Variants in PACS1 observed in about 807,000 individuals in gnomAD.
The protein encoded by PACS1 is phosphofurin acidic cluster sorting protein 1.
PACS1 carries 24 observed loss-of-function variants against 115.0 expected under a neutral mutation model. The ratio of observed to expected loss-of-function variants is 0.21; its 90% CI spans 0.15 to 0.29. The LOEUF is 0.29. PACS1 is among the 10% of genes least tolerant of loss of function. The pLI is 1.00. For missense variants in PACS1, 838 were observed against 1,251.2 expected, an observed-to-expected ratio of 0.67 and a Z score of 4.98; for synonymous variants, 453 against 504.5, an observed-to-expected ratio of 0.90 and a Z score of 1.37.
At chr11:66,216,037 C>G (rs1855199964) in intron 4 of PACS1, 82 bp from the exon 5 acceptor site, 2 of 1,362,748 alleles carry the variant, frequency 1.5e-6, no homozygotes, top group African/African-American at 2.9e-5. Flanking sequence ...GCTGTTGCCC[C>G]TGGGGTCTTG....
intron 1 of PACS1, among the ~76,000 whole-genome samples, chr11:66,078,717 C>T (rs957079279): frequency 6.6e-6 from 1 of 152,110 alleles, no homozygotes; most frequent in Non-Finnish European, 1.5e-5. Context: ...ACATGCCCTG[C>T]TAACTTTTTA....
chr11:66,216,862 C>CTTATTTTTTTTTTTTTTTTTTTTTTT (rs1590826365), intron 7 of PACS1, 87 bp downstream of exon 7: 11 of 849,752 alleles, frequency 1.3e-5, no homozygotes, highest in Middle Eastern at 2.5e-4. Flanking sequence ...CTAGTGGAGA[C>CTTATTTTTTTTTTTTTTTTTTTTTTT]TTCTTAAAAT....
rs906920215 is a variant in PACS1 at position 66,118,325 on chromosome 11, C to T, written c.356+47483C>T. On this transcript the variant is annotated intron_variant, in intron 1 of 23. Transcript: ENST00000320580. Reference sequence around the variant, plus strand: ...TCTGTATAAAGATAAGAATTTCCAGCCAGGGGCCGGGCGCTGTGGCTCATG... The same window carrying T: ...TCTGTATAAAGATAAGAATTTCCAGTCAGGGGCCGGGCGCTGTGGCTCATG... 2.6e-5 allele frequency among the ~76,000 whole-genome samples: 4 copies of T among 152,150 alleles called. No individual in the cohort carries two copies. In the East Asian group the frequency reaches 7.7e-4, roughly 29 times the overall value.
intron 4 of PACS1, among the ~76,000 whole-genome samples, chr11:66,213,627 T>C (rs1461364303): frequency 6.6e-6 from 1 of 152,266 alleles, no homozygotes; most frequent in Non-Finnish European, 1.5e-5. Flanking sequence ...CTTTCAGGTC[T>C]AGGTCCAGAT....
intron 7 of PACS1, chr11:66,217,208 C>T (rs1254733683): frequency 7.0e-6 from 2 of 286,664 alleles, no homozygotes; most frequent in Admixed American, 4.9e-5. Context: ...TGGGGTGCTC[C>T]TATGACCCTG....
At chr11:66,238,361 C>A in intron 19 of PACS1, 1 of 984,880 alleles carries the variant, frequency 1.0e-6, no homozygotes, top group Non-Finnish European at 1.2e-6. Context: ...GCCTTCAGCC[C>A]TTTATCCCCA....
chr11:66,153,260 A>G (rs1317115776), intron 1 of PACS1, among the ~76,000 whole-genome samples: 1 of 152,194 alleles, frequency 6.6e-6, no homozygotes, highest in Non-Finnish European at 1.5e-5. Context: ...CCTCCTGAGT[A>G]GCAGAGACTA....
intron 5 of PACS1, 71 bp downstream of exon 5, chr11:66,216,334 G>A: frequency 1.3e-6 from 2 of 1,573,002 alleles, no homozygotes; most frequent in South Asian, 1.1e-5. Context: ...ACAAGACAGT[G>A]CCTGAGATGT....
chr11:66,177,064 A>G (rs2134648692), intron 1 of PACS1, among the ~76,000 whole-genome samples: 1 of 152,266 alleles, frequency 6.6e-6, no homozygotes, highest in Non-Finnish European at 1.5e-5. Flanking sequence ...GTGGCTGTCT[A>G]TCCCAGGGCT....
At chr11:66,115,918 T>C (rs1202539477) in intron 1 of PACS1, among the ~76,000 whole-genome samples, 2 of 152,246 alleles carry the variant, frequency 1.3e-5, no homozygotes, top group Admixed American at 1.3e-4. Context: ...TAAGCTTTCT[T>C]CCTCTTAGAC....
intron 4 of PACS1, among the ~76,000 whole-genome samples, chr11:66,214,421 A>T (rs867938003): frequency 2.6e-5 from 4 of 152,008 alleles, no homozygotes; most frequent in Non-Finnish European, 5.9e-5. Context: ...ACCCAGACTC[A>T]AGAGCAAGTT....
chr11:66,188,204 T>C (rs144897128), intron 1 of PACS1, among the ~76,000 whole-genome samples: 12 of 151,572 alleles, frequency 7.9e-5, no homozygotes, highest in Non-Finnish European at 1.5e-4. Context: ...CAGTTCTTTG[T>C]ATATTCTGGG....
At chr11:66,097,711 C>T (rs2134522722) in intron 1 of PACS1, among the ~76,000 whole-genome samples, 1 of 152,300 alleles carries the variant, frequency 6.6e-6, no homozygotes, top group Admixed American at 6.5e-5. Context: ...TCCTGTTGCC[C>T]TGTATCTCCA....
chr11:66,229,906 A>C lies in PACS1; in HGVS notation c.1375-642A>C, dbSNP rs181911830. ...GGTTGCGGTGAGCCAAGGTTGCGCCAAGATTGTGCCACTGCGCTCCAACCT... is the reference window on the plus strand; with the variant it reads ...GGTTGCGGTGAGCCAAGGTTGCGCCCAGATTGTGCCACTGCGCTCCAACCT... On this transcript the variant is annotated intron_variant, in intron 11 of 23. Coordinates refer to ENST00000320580, the MANE Select transcript of PACS1 (RefSeq NM_018026.4). 2.6e-3 allele frequency among the ~76,000 whole-genome samples: 386 copies of C among 150,856 alleles called. 1 individual carries two copies. The highest frequency in any genetic ancestry group is 4.1e-3 in the Non-Finnish European group (275 of 67,892).
chr11:66,221,277 T>G (rs1590829585), intron 10 of PACS1, 30 bp downstream of exon 10: 1 of 1,581,574 alleles, frequency 6.3e-7, no homozygotes, highest in Non-Finnish European at 8.7e-7. Context: ...CGGGGCGGGG[T>G]GGGACCGTGG....
chr11:66,081,427 A>C (rs533510075), intron 1 of PACS1, among the ~76,000 whole-genome samples: 1 of 151,580 alleles, frequency 6.6e-6, no homozygotes, highest in East Asian at 1.9e-4. Context: ...TGCCCCCCCC[A>C]ACCAAAACAA....
intron 2 of PACS1, among the ~76,000 whole-genome samples, chr11:66,194,025 G>C (rs1168461060): frequency 6.6e-6 from 1 of 152,216 alleles, no homozygotes; most frequent in African/African-American, 2.4e-5. Context: ...GTGCAGTGGC[G>C]CGATCTCGGC....
At chr11:66,212,999 G>A (rs1001210418) in intron 4 of PACS1, among the ~76,000 whole-genome samples, 9 of 152,082 alleles carry the variant, frequency 5.9e-5, no homozygotes, top group Non-Finnish European at 1.0e-4. Context: ...ACAGGGACCC[G>A]CCACCATGCC....
intron 2 of PACS1, among the ~76,000 whole-genome samples, chr11:66,202,085 C>G (rs185811770): frequency 2.6e-5 from 4 of 152,218 alleles, no homozygotes. Flanking sequence ...TTCAAAGGAT[C>G]ATTAGTGGCT....
Sources: allele counts gnomAD v4.1 joint callset (sites outside exome capture counted in the v4.1 genomes callset), GRCh38; gene constraint gnomAD v4.1.1; transcripts MANE v1.5; gene names NCBI Gene and HGNC (gene_info 2026-07-23, HGNC 2026-07-21).